The following MAP2K2 variants were observed in gnomAD, a reference collection of about 807,000 sequenced individuals.
The protein encoded by MAP2K2 is dual specificity mitogen-activated protein kinase kinase 2.
In MAP2K2, 24 loss-of-function variants were observed where a neutral mutation model predicts 43.7. The observed-to-expected ratio is 0.55, with a 90% CI of 0.40 to 0.77. The LOEUF (loss-of-function observed/expected upper bound fraction) is 0.77. Among genes scored for constraint, MAP2K2 ranks in the 30% least tolerant of loss-of-function variants. MAP2K2 has a pLI of 0.00. For missense variants in MAP2K2, 470 were observed against 566.8 expected, an observed-to-expected ratio of 0.83 and a Z score of 1.73; for synonymous variants, 244 against 239.7, an observed-to-expected ratio of 1.02 and a Z score of -0.17.
chr19:4,098,397 G>A (rs998202694), intron 7 of MAP2K2, among the ~76,000 whole-genome samples: 5 of 152,184 alleles, frequency 3.3e-5, no homozygotes, highest in African/African-American at 1.2e-4. Context: ...CACCTGAAAT[G>A]AGTTGTGGGG....
intron 10 of MAP2K2, among the ~76,000 whole-genome samples, chr19:4,092,700 C>T (rs1443240795): frequency 1.3e-5 from 2 of 152,138 alleles, no homozygotes; most frequent in Non-Finnish European, 2.9e-5. Flanking sequence ...AACTCCTGGC[C>T]TCAGAGAGCC....
chr19:4,113,133 G>A (rs978094416), intron 2 of MAP2K2, among the ~76,000 whole-genome samples: 4 of 152,138 alleles, frequency 2.6e-5, no homozygotes, highest in African/African-American at 9.7e-5. Flanking sequence ...GCTGGCCGTC[G>A]CAAGTCGTAA....
intron 1 of MAP2K2, among the ~76,000 whole-genome samples, chr19:4,119,894 C>A (rs1239243466): frequency 6.6e-6 from 1 of 152,272 alleles, no homozygotes; most frequent in Non-Finnish European, 1.5e-5. Context: ...AAAGTTCGAC[C>A]ACTGTTCGCC....
intron 6 of MAP2K2, chr19:4,099,652 A>G (rs1351451360): frequency 3.4e-6 from 2 of 580,174 alleles, no homozygotes; most frequent in Non-Finnish European, 6.1e-6. Context: ...GCTCTTGAAG[A>G]GCCTGCAATG....
At chr19:4,118,318 G>T in intron 1 of MAP2K2, among the ~76,000 whole-genome samples, 1 of 151,332 alleles carries the variant, frequency 6.6e-6, no homozygotes, top group East Asian at 1.9e-4. Context: ...AACGGAGCCC[G>T]GGCCAAGATG....
intron 9 of MAP2K2, chr19:4,094,825 G>A (rs1400400216): frequency 4.5e-6 from 2 of 446,606 alleles, no homozygotes; most frequent in Non-Finnish European, 8.3e-6. Context: ...GGGCAACATC[G>A]CCGGAGCGCA....
At chr19:4,112,546 C>T (rs1025131139) in intron 2 of MAP2K2, among the ~76,000 whole-genome samples, 3 of 152,156 alleles carry the variant, frequency 2.0e-5, no homozygotes, top group Non-Finnish European at 4.4e-5. Context: ...CTGCTCTAGG[C>T]CTGTGACCTT....
chr19:4,111,796 A>T (rs1312570604), intron 2 of MAP2K2, among the ~76,000 whole-genome samples: 1 of 152,124 alleles, frequency 6.6e-6, no homozygotes, highest in Non-Finnish European at 1.5e-5. Context: ...TCTACTAAAA[A>T]TACAAATTTA....
At chr19:4,095,538 G>A (rs983036234) in intron 8 of MAP2K2, 89 bp from the exon 9 acceptor site, 17 of 1,118,036 alleles carry the variant, frequency 1.5e-5, no homozygotes, top group Middle Eastern at 2.4e-4. Flanking sequence ...TGTCCTGTCC[G>A]GTCACCCACC....
At chr19:4,099,112 C>T in intron 7 of MAP2K2, 89 bp downstream of exon 7, 1 of 1,125,430 alleles carries the variant, frequency 8.9e-7, no homozygotes, top group Non-Finnish European at 1.3e-6. Context: ...GCGCCAGGGG[C>T]AGAGGGGAGG....
intron 3 of MAP2K2, among the ~76,000 whole-genome samples, chr19:4,106,044 T>G (rs1175245198): frequency 6.6e-6 from 1 of 152,228 alleles, no homozygotes; most frequent in African/African-American, 2.4e-5. Context: ...CATAGCTCAC[T>G]GCAGCCTCGA....
At position 4,117,642 on chromosome 19, in the gene MAP2K2, C is replaced by T. The variant is rs2145081014; in HGVS notation, c.93-13G>A. The T allele has an allele frequency of 6.2e-7, 1 of 1,613,372 alleles. No homozygotes were observed. Among genetic ancestry groups the T allele is most frequent in the Non-Finnish European group, 8.5e-7 (1 of 1,179,730 alleles). On this transcript the variant is annotated splice_polypyrimidine_tract_variant and intron_variant, in intron 1 of 10. Transcript: ENST00000262948. The stretch of plus-strand genomic sequence containing the variant: ...CACCAGGTTTGCCCTGCAGAGACCC[C>T]CCAGGGTAGGGGTTAGCTACCTAGG...
intron 1 of MAP2K2, among the ~76,000 whole-genome samples, chr19:4,118,501 CCCGG>C (rs2145082211): frequency 6.6e-6 from 1 of 152,168 alleles, no homozygotes; most frequent in Non-Finnish European, 1.5e-5. Flanking sequence ...ACTGCTTGAA[CCCGG>C]GAGGGGGAGA....
intron 8 of MAP2K2, among the ~76,000 whole-genome samples, chr19:4,095,806 GCT>G (rs960260617): frequency 2.0e-5 from 3 of 152,156 alleles, no homozygotes; most frequent in African/African-American, 7.2e-5. Flanking sequence ...AGACAGTCTC[GCT>G]CTGTTGCCCA....
At chr19:4,122,657 C>T (rs764879909) in intron 1 of MAP2K2, among the ~76,000 whole-genome samples, 3 of 148,706 alleles carry the variant, frequency 2.0e-5, no homozygotes, top group Non-Finnish European at 3.0e-5. Flanking sequence ...CCTGATCTCA[C>T]GACTTAGGGA....
intron 3 of MAP2K2, chr19:4,104,651 C>T (rs147221533): frequency 2.0e-5 from 3 of 152,370 alleles, no homozygotes; most frequent in African/African-American, 7.2e-5. Context: ...CCCTGCTCCC[C>T]AGCACAGCTC....
At position 4,102,452 on chromosome 19, in the gene MAP2K2, T is replaced by C. The variant is rs764258266; in HGVS notation, c.452A>G (p.Asp151Gly). 1.3e-6 allele frequency: 2 copies of C among 1,597,714 alleles called. No homozygotes were observed. The highest frequency in any genetic ancestry group is 1.7e-5 in the Admixed American group (1 of 57,714). The stretch of plus-strand genomic sequence containing the variant: ...CAGCACCTGGTCCAGGGAGCCGCCG[T>C]CCTAGAGGGCACACAAGGAGTGAGT... ...GEISICMEHM[D>G]GGSLDQVLKE... is the part of the protein sequence containing the mutation. Residue 151 changes from aspartate to glycine, a missense_variant and splice_region_variant, in exon 4 of 11, where the codon GAC (aspartate) becomes GGC (glycine). This residue lies in a region of MAP2K2 where 200 missense variants were observed against 297.9 expected (regional missense o/e 0.67). Transcript: ENST00000262948.
intron 1 of MAP2K2, among the ~76,000 whole-genome samples, 172 bp downstream of exon 1, chr19:4,123,612 G>GCCCCGTCCTCCCCCGAGGGCC (rs2041331394): frequency 4.0e-5 from 2 of 49,414 alleles, no homozygotes. Flanking sequence ...AGGGTCCCCT[G>GCCCCGTCCTCCCCCGAGGGCC]CCCTGTCCTC....
chr19:4,102,915 G>A lies in MAP2K2; in HGVS notation c.451-462C>T, dbSNP rs746311270. The A allele has an allele frequency of 4.4e-6, 5 of 1,146,924 alleles. No homozygotes were observed. In the African/African-American group the frequency reaches 4.8e-5, roughly 11 times the overall value. 71.0% of individuals were successfully genotyped at this position (1,146,924 alleles called of 1,614,324 possible). A position where few individuals can be genotyped will look rare whatever the true frequency, so the allele number is the denominator to read the frequency against. ...CAGCACACGAAGGGAAGGGGAGGGTGAGGGCGCGGAGGAGACGCGGGTGCT... is the reference window on the plus strand; with the variant it reads ...CAGCACACGAAGGGAAGGGGAGGGTAAGGGCGCGGAGGAGACGCGGGTGCT... On this transcript the variant is annotated intron_variant, in intron 3 of 10. Coordinates refer to ENST00000262948, the MANE Select transcript of MAP2K2 (RefSeq NM_030662.4).
Sources: gnomAD v4.1 joint callset for allele counts (sites outside exome capture counted in the v4.1 genomes callset) on GRCh38, gnomAD v4.1.1 for gene constraint, gnomAD v4.1.1 regional missense constraint, MANE v1.5 for transcripts, NCBI Gene and HGNC (gene_info 2026-07-23, HGNC 2026-07-21) for gene names.